Variants in ATP9B observed in about 807,000 individuals in gnomAD.
ATP9B encodes the protein probable phospholipid-transporting ATPase IIB.
A neutral mutation model predicts 146.1 loss-of-function variants in ATP9B; 110 were observed. That is an observed-to-expected ratio of 0.75 (90% CI 0.65 to 0.88). The LOEUF (loss-of-function observed/expected upper bound fraction) is 0.88, where lower values mean the gene tolerates loss of function less well. Ranked by LOEUF, ATP9B falls within the 40% of genes least tolerant of loss-of-function variation. The pLI is 0.00. For missense variants in ATP9B, 1,499 were observed against 1,496.4 expected (o/e 1.00, Z -0.03); for synonymous variants, 604 against 569.7 (o/e 1.06, Z -0.86).
intron 11 of ATP9B, among the ~76,000 whole-genome samples, chr18:79,231,778 GTATATATA>G (rs781387419): frequency 1.3e-3 from 155 of 121,304 alleles, no homozygotes; most frequent in African/African-American, 4.8e-3. Flanking sequence ...GTGTGTGTGT[GTATATATA>G]TATATATATA....
rs2096760676 is a variant in ATP9B, at chr18:79,327,638, C to CCA, written c.1774-1503_1774-1502insCA. 1.5e-4 allele frequency among the ~76,000 whole-genome samples: 7 copies of CCA among 45,880 alleles called. 1 individual carries two copies. Among genetic ancestry groups the CCA allele is most frequent in the African/African-American group, 6.4e-4 (7 of 10,976 alleles). 30.1% of individuals were successfully genotyped at this position (45,880 alleles called of 152,430 possible). On this transcript the variant is annotated intron_variant, in intron 15 of 29. Coordinates refer to ENST00000426216, the MANE Select transcript of ATP9B (RefSeq NM_198531.5). ...GCCCTCCCTGGTTAGTGTGCCCTCCCTGGTTAGCATGCTCTCCGTGTTTAG... is the reference window on the plus strand; with the variant it reads ...GCCCTCCCTGGTTAGTGTGCCCTCCCCATGGTTAGCATGCTCTCCGTGTTTAG...
At position 79,226,620 on chromosome 18, in the gene ATP9B, G is replaced by A. The variant is rs539518765; in HGVS notation, c.1107+12582G>A. Among the ~76,000 whole-genome samples the A allele has an allele frequency of 3.3e-5, 5 of 152,310 alleles. 1 individual carries two copies. The South Asian group carries it at 1.0e-3, about 32-fold the overall frequency. On this transcript the variant is annotated intron_variant, in intron 11 of 29. Coordinates refer to ENST00000426216, the MANE Select transcript of ATP9B (RefSeq NM_198531.5). ...CCACGAGACTTCCCACGCCCTGGAG[G>A]CAGGAGCTGTGCCTTCCCCCTTCCT...
chr18:79,120,367 G>A (rs2094167455), intron 4 of ATP9B, among the ~76,000 whole-genome samples: 1 of 152,206 alleles, frequency 6.6e-6, no homozygotes, highest in South Asian at 2.1e-4. Context: ...AATAAAACAA[G>A]TTACTTCAAA....
intron 7 of ATP9B, among the ~76,000 whole-genome samples, chr18:79,174,810 C>T (rs2095135971): frequency 6.6e-6 from 1 of 152,046 alleles, no homozygotes; most frequent in Non-Finnish European, 1.5e-5. Flanking sequence ...AGCAATGCTC[C>T]TGTATAGTCC....
At chr18:79,268,744 C>T (rs1353904551) in intron 12 of ATP9B, among the ~76,000 whole-genome samples, 1 of 152,150 alleles carries the variant, frequency 6.6e-6, no homozygotes, top group Non-Finnish European at 1.5e-5. Flanking sequence ...CGTTTCGGTT[C>T]GTAATGTCTT....
At chr18:79,085,367 G>A (rs1051803557) in intron 1 of ATP9B, 3 of 152,176 alleles carry the variant, frequency 2.0e-5, no homozygotes, top group Non-Finnish European at 4.4e-5. Context: ...ATAGCATATG[G>A]TTAAGGAAGA....
chr18:79,080,574 A>C (rs2146504280), intron 1 of ATP9B, among the ~76,000 whole-genome samples: 1 of 152,248 alleles, frequency 6.6e-6, no homozygotes, highest in South Asian at 2.1e-4. Context: ...AAACAGAGAC[A>C]ATTTGACTTC....
intron 26 of ATP9B, chr18:79,362,144 C>T (rs2096993415): frequency 6.6e-6 from 1 of 152,202 alleles, no homozygotes; most frequent in Non-Finnish European, 1.5e-5. Context: ...GCATGCATTC[C>T]CTGCACACAG....
At chr18:79,174,370 G>T (rs2095127212) in intron 7 of ATP9B, among the ~76,000 whole-genome samples, 1 of 152,166 alleles carries the variant, frequency 6.6e-6, no homozygotes, top group Non-Finnish European at 1.5e-5. Context: ...AACAAATTCA[G>T]CATTTACAGA....
intron 9 of ATP9B, among the ~76,000 whole-genome samples, chr18:79,198,694 C>T (rs2095439043): frequency 2.0e-5 from 3 of 152,138 alleles, no homozygotes; most frequent in African/African-American, 7.2e-5. Flanking sequence ...ATCTGTGTAT[C>T]TAACCATAGA....
rs138909153 is a variant in ATP9B, at chr18:79,222,767, T to G, written c.1107+8729T>G. 1.6e-4 allele frequency among the ~76,000 whole-genome samples: 24 copies of G among 150,684 alleles called. No homozygotes were observed. The East Asian group carries it at 4.3e-3, about 27-fold the overall frequency. On this transcript the variant is annotated intron_variant, in intron 11 of 29. Transcript: ENST00000426216. ...AAATTTTAAGACTAAACAAAAGTTT[T>G]TATTACTAAGGAATTACTATTATAT...
At chr18:79,302,031 TAGTTTGGGTTATATTCC>T (rs926617148) in intron 13 of ATP9B, among the ~76,000 whole-genome samples, 14 of 152,128 alleles carry the variant, frequency 9.2e-5, no homozygotes, top group South Asian at 2.1e-4. Flanking sequence ...GACATGAAAA[TAGTTTGGGTTATATTCC>T]AGTTTGGGTT....
rs1291874308 is a variant in ATP9B, at chr18:79,339,399, TGCAGTAGGAAGTATGTCATC to T, written c.2283+1990_2283+2009del. Among the ~76,000 whole-genome samples, 40 of 144,730 alleles carry T rather than the reference TGCAGTAGGAAGTATGTCATC, an allele frequency of 2.8e-4. No homozygotes were observed. The East Asian group carries it at 3.0e-3, about 11-fold the overall frequency. 94.9% of individuals were successfully genotyped at this position (144,730 alleles called of 152,430 possible). Reference sequence around the variant, plus strand: ...GATCGCAGTAGGAAGTGTGCATGATTGCAGTAGGAAGTATGTCATCGCAGTAGGAAGTATGTCATCGCAGT... The same window carrying T: ...GATCGCAGTAGGAAGTGTGCATGATTGCAGTAGGAAGTATGTCATCGCAGT... On this transcript the variant is annotated intron_variant, in intron 19 of 29. Transcript: ENST00000426216.
In ATP9B at chr18:79,378,068, T is replaced by C. The variant is rs3591; in HGVS notation, c.*685T>C. On this transcript the variant is annotated 3_prime_UTR_variant, in exon 30 of 30. Coordinates refer to ENST00000426216, the MANE Select transcript of ATP9B (RefSeq NM_198531.5). Reference sequence around the variant, plus strand: ...AAGTTTAATTTCTGCAGTTCCCTCATATTCAGATTCTTTCTTTGATGTTAT... The same window carrying C: ...AAGTTTAATTTCTGCAGTTCCCTCACATTCAGATTCTTTCTTTGATGTTAT... 75,503 of 152,216 alleles carry C rather than the reference T, an allele frequency of 0.5. 18,969 individuals are homozygous for C. The highest frequency in any genetic ancestry group is 0.7 in the East Asian group (3,624 of 5,176). 9.4% of individuals were successfully genotyped at this position (152,216 alleles called of 1,614,324 possible). A position where few individuals can be genotyped will look rare whatever the true frequency, so the allele number is the denominator to read the frequency against.
intron 17 of ATP9B, among the ~76,000 whole-genome samples, chr18:79,330,693 A>G (rs1388258406): frequency 1.3e-5 from 2 of 152,210 alleles, no homozygotes; most frequent in East Asian, 3.9e-4. Flanking sequence ...CATTATATGC[A>G]TGAGCCACCA....
At chr18:79,157,328 A>G (rs2094801684) in intron 7 of ATP9B, among the ~76,000 whole-genome samples, 1 of 138,890 alleles carries the variant, frequency 7.2e-6, no homozygotes, top group African/African-American at 2.7e-5. Context: ...CCTGGGAGGC[A>G]TAGGTTGCAG....
intron 4 of ATP9B, 110 bp downstream of exon 4, chr18:79,113,464 G>A: frequency 1.4e-6 from 1 of 697,636 alleles, no homozygotes; most frequent in Non-Finnish European, 2.4e-6. Flanking sequence ...ACATGGTGTT[G>A]TAGTGTTCAC....
At chr18:79,106,447 A>G (rs1470850062) in intron 2 of ATP9B, among the ~76,000 whole-genome samples, 3 of 152,134 alleles carry the variant, frequency 2.0e-5, no homozygotes, top group African/African-American at 7.2e-5. Context: ...TTTTACTGCT[A>G]GCATGGAAGT....
At chr18:79,340,711 C>G (rs115959265) in intron 19 of ATP9B, among the ~76,000 whole-genome samples, 2,323 of 152,186 alleles carry the variant, frequency 0.015, 65 homozygotes, top group African/African-American at 0.054. Context: ...ACTCTATCGT[C>G]TAGGAATATA....
Sources: allele counts gnomAD v4.1 joint callset (sites outside exome capture counted in the v4.1 genomes callset), GRCh38; gene constraint gnomAD v4.1.1; transcripts MANE v1.5; gene names NCBI Gene and HGNC (gene_info 2026-07-23, HGNC 2026-07-21).